DPY19L3: variants seen among roughly 807,000 people sequenced by gnomAD.
The protein encoded by DPY19L3 is dpy-19 like C-mannosyltransferase 3, also known as protein C-mannosyl-transferase DPY19L3.
A neutral mutation model predicts 92.3 loss-of-function variants in DPY19L3; 51 were observed. That is an observed-to-expected ratio of 0.55 (90% CI 0.44 to 0.70). DPY19L3 has a LOEUF of 0.70. Among genes scored for constraint, DPY19L3 ranks in the 30% least tolerant of loss-of-function variants. The pLI, the probability that DPY19L3 is intolerant of heterozygous loss-of-function variation, is 0.00. For synonymous variants in DPY19L3, 309 were observed against 315.2 expected (o/e 0.98, Z 0.21); for missense variants, 706 against 855.9 (o/e 0.82, Z 2.18).
intron 8 of DPY19L3, among the ~76,000 whole-genome samples, chr19:32,452,164 G>T (rs925229686): frequency 6.6e-6 from 1 of 152,204 alleles, no homozygotes; most frequent in Non-Finnish European, 1.5e-5. Flanking sequence ...TGGTTCTTCT[G>T]TGAGACCCTA....
At chr19:32,456,004 G>C (rs543335509) in intron 10 of DPY19L3, among the ~76,000 whole-genome samples, 32 of 151,656 alleles carry the variant, frequency 2.1e-4, no homozygotes, top group African/African-American at 7.3e-4. Flanking sequence ...AGAGAACTGT[G>C]GTCCTTGTTC....
intron 16 of DPY19L3, among the ~76,000 whole-genome samples, chr19:32,475,181 A>G (rs1478835394): frequency 6.6e-6 from 1 of 152,206 alleles, no homozygotes; most frequent in Non-Finnish European, 1.5e-5. Flanking sequence ...TTGGTGCTGA[A>G]GCTGCACAGA....
intron 14 of DPY19L3, 123 bp downstream of exon 14, chr19:32,464,103 ATAAT>A (rs1263084792): frequency 2.2e-6 from 1 of 460,354 alleles, no homozygotes; most frequent in African/African-American, 2.0e-5. Context: ...CTGAAAATAC[ATAAT>A]TGATATATTA....
intron 3 of DPY19L3, among the ~76,000 whole-genome samples, chr19:32,421,720 C>T (rs1405706670): frequency 6.6e-6 from 1 of 151,572 alleles, no homozygotes; most frequent in African/African-American, 2.4e-5. Context: ...AGTGGCATCT[C>T]CTAAGGGGTA....
At chr19:32,440,360 TAAAG>T (rs532651340) in intron 8 of DPY19L3, among the ~76,000 whole-genome samples, 309 of 151,980 alleles carry the variant, frequency 2.0e-3, no homozygotes, top group Non-Finnish European at 3.7e-3. Flanking sequence ...ACATGTGAAA[TAAAG>T]AAACCAGTAT....
At chr19:32,438,474 ATTGT>A (rs1294146328) in intron 6 of DPY19L3, among the ~76,000 whole-genome samples, 5 of 152,226 alleles carry the variant, frequency 3.3e-5, no homozygotes, top group East Asian at 1.9e-4. Flanking sequence ...ATATAGATAC[ATTGT>A]TTGATACATT....
Position 32,445,440 on chromosome 19 carries a change from C to CAAAAAAAAAAAAAAAAAAAAAAAAA in DPY19L3, c.855+5551_855+5552insAAAAAAAAAAAAAAAAAAAAAAAAA, listed in dbSNP as rs71336904. On this transcript the variant is annotated intron_variant, in intron 8 of 18. Coordinates refer to ENST00000392250, the MANE Select transcript of DPY19L3 (RefSeq NM_001172774.2). ...TGGGGGACAGAGCGAGACTTCATCT[C>CAAAAAAAAAAAAAAAAAAAAAAAAA]AAAAAAAAAAAAAAAAAAAAACCAT... Among the ~76,000 whole-genome samples the CAAAAAAAAAAAAAAAAAAAAAAAAA allele has an allele frequency of 1.4e-4, 6 of 42,828 alleles. 1 individual carries two copies. Among genetic ancestry groups the CAAAAAAAAAAAAAAAAAAAAAAAAA allele is most frequent in the Admixed American group, 4.1e-4 (1 of 2,412 alleles). 28.1% of individuals were successfully genotyped at this position (42,828 alleles called of 152,430 possible). A position where few individuals can be genotyped will look rare whatever the true frequency, so the allele number is the denominator to read the frequency against.
chr19:32,478,244 T>TG (rs1970571908), intron 17 of DPY19L3, among the ~76,000 whole-genome samples: 1 of 152,142 alleles, frequency 6.6e-6, no homozygotes, highest in Non-Finnish European at 1.5e-5. Flanking sequence ...TCGGGACCTC[T>TG]GCCTGCCCAT....
At chr19:32,465,971 A>G (rs1042605647) in intron 15 of DPY19L3, among the ~76,000 whole-genome samples, 1 of 152,234 alleles carries the variant, frequency 6.6e-6, no homozygotes, top group African/African-American at 2.4e-5. Flanking sequence ...TTACCTTTAC[A>G]CAATGATTCA....
chr19:32,471,269 G>C (rs973863328), intron 16 of DPY19L3, among the ~76,000 whole-genome samples: 4 of 152,192 alleles, frequency 2.6e-5, no homozygotes, highest in African/African-American at 9.7e-5. Flanking sequence ...GCCTGGCAGA[G>C]AACCAGCACT....
chr19:32,408,184 A>G lies in DPY19L3; in HGVS notation c.-37-33A>G. 4 of 1,085,258 alleles carry G rather than the reference A, an allele frequency of 3.7e-6. No individual in the cohort carries two copies. In the South Asian group the frequency reaches 4.0e-5, roughly 11 times the overall value. The allele number at this position is 1,085,258 out of a possible 1,614,324, so 67.2% of individuals were successfully genotyped here. On this transcript the variant is annotated intron_variant, in intron 1 of 18. Transcript: ENST00000392250. ...GCACGGGGTGTGTTGGGGAGAAGGC[A>G]CTGACGTTGATGGCCTGTTTATTGC...
chr19:32,466,082 G>C (rs1568356388), intron 15 of DPY19L3, among the ~76,000 whole-genome samples: 1 of 152,310 alleles, frequency 6.6e-6, no homozygotes, highest in Non-Finnish European at 1.5e-5. Flanking sequence ...TACTGCCCGT[G>C]TGCATGTAGG....
chr19:32,420,974 ATAGT>A (rs1423474690), intron 3 of DPY19L3, among the ~76,000 whole-genome samples: 8 of 152,150 alleles, frequency 5.3e-5, no homozygotes, highest in Admixed American at 1.3e-4. Context: ...TGACCCCATT[ATAGT>A]TAGTTTTTAT....
chr19:32,416,425 C>G (rs1162695213), intron 3 of DPY19L3, among the ~76,000 whole-genome samples: 4 of 152,180 alleles, frequency 2.6e-5, no homozygotes, highest in African/African-American at 9.7e-5. Flanking sequence ...GGGCACAGCT[C>G]TCTACAAAAA....
At chr19:32,463,597 A>C in intron 13 of DPY19L3, 109 bp downstream of exon 13, 1 of 1,329,582 alleles carries the variant, frequency 7.5e-7, no homozygotes, top group Admixed American at 2.2e-5. Flanking sequence ...CATGGTTCCC[A>C]TAAAATCATC....
In DPY19L3 at chr19:32,483,534, C is replaced by T. The variant is rs551593508; in HGVS notation, c.*1294C>T. On this transcript the variant is annotated 3_prime_UTR_variant, in exon 19 of 19. Transcript: ENST00000392250. ...AGGTGGAAATGATTTAAGCATTTCT[C>T]CTTGCAGTTGTATTGAAGTAAATTA... is the stretch of plus-strand genomic sequence containing the variant. 14 of 152,690 alleles carry T rather than the reference C, an allele frequency of 9.2e-5. 1 individual carries two copies. In the South Asian group the frequency reaches 2.7e-3, roughly 29 times the overall value. The allele number at this position is 152,690 out of a possible 1,614,324, so 9.5% of individuals were successfully genotyped here.
At chr19:32,423,376 T>C (rs1045802060) in intron 3 of DPY19L3, among the ~76,000 whole-genome samples, 8 of 145,710 alleles carry the variant, frequency 5.5e-5, no homozygotes, top group African/African-American at 2.0e-4. Context: ...CTTGGGATTA[T>C]AGGCATGCAC....
chr19:32,482,105 T>C lies in DPY19L3; in HGVS notation c.2016T>C (p.Asp672=). The change falls in exon 19 of 19, where the codon GAT becomes GAC. Residue 672 remains aspartate, a synonymous_variant. Transcript: ENST00000392250. ...TGATGGATGGCCCAGGAGAGAATGA[T>C]CCTGATTTGAAACCTGCAGACCACC... ...GHMMDGPGEN[D]PDLKPADHPR... 1 of 1,613,874 alleles carries C rather than the reference T, an allele frequency of 6.2e-7. No individual in the cohort carries two copies. Among genetic ancestry groups the C allele is most frequent in the East Asian group, 2.2e-5 (1 of 44,870 alleles).
intron 8 of DPY19L3, among the ~76,000 whole-genome samples, chr19:32,441,305 A>G (rs117396340): frequency 0.032 from 4,804 of 152,300 alleles, 95 homozygotes; most frequent in Middle Eastern, 0.088. Flanking sequence ...TGGCATATCT[A>G]TGCAATCAAA....
Sources: gnomAD v4.1 joint callset for allele counts (sites outside exome capture counted in the v4.1 genomes callset) on GRCh38, gnomAD v4.1.1 for gene constraint, MANE v1.5 for transcripts, NCBI Gene and HGNC (gene_info 2026-07-23, HGNC 2026-07-21) for gene names.